ABHD6: variants seen among roughly 807,000 people sequenced by gnomAD.
ABHD6 encodes the protein monoacylglycerol lipase ABHD6.
ABHD6 carries 33 observed loss-of-function variants against 38.8 expected under a neutral mutation model. That is an observed-to-expected ratio of 0.85 (90% CI 0.64 to 1.14). The LOEUF is 1.14. ABHD6 is among the 50% of genes most tolerant of loss of function. The pLI, the probability that ABHD6 is intolerant of heterozygous loss-of-function variation, is 0.00. For synonymous variants in ABHD6, 147 were observed against 161.6 expected, an observed-to-expected ratio of 0.91 and a Z score of 0.69; for missense variants, 380 against 422.6, an observed-to-expected ratio of 0.90 and a Z score of 0.88.
At chr3:58,240,880 A>G (rs1212694994) in intron 1 of ABHD6, among the ~76,000 whole-genome samples, 1 of 151,886 alleles carries the variant, frequency 6.6e-6, no homozygotes, top group East Asian at 1.9e-4. Context: ...ACAGGCATGC[A>G]CAAGCACGCC....
chr3:58,290,253 C>G (rs1225083224), intron 9 of ABHD6, among the ~76,000 whole-genome samples: 1 of 129,722 alleles, frequency 7.7e-6, no homozygotes. Flanking sequence ...TGGGCAGAGG[C>G]GCCCCTCACC....
chr3:58,278,609 G>T (rs1290575105), intron 7 of ABHD6, among the ~76,000 whole-genome samples: 3 of 152,136 alleles, frequency 2.0e-5, no homozygotes, highest in African/African-American at 4.8e-5. Flanking sequence ...TTTCAGTTCT[G>T]TTCTGATCTT....
Position 58,256,492 on chromosome 3 carries a change from C to G in ABHD6, c.-25-70C>G, listed in dbSNP as rs1295382948. The G allele has an allele frequency of 1.1e-6, 1 of 889,426 alleles. No individual in the cohort carries two copies. The highest frequency in any genetic ancestry group is 1.7e-5 in the African/African-American group (1 of 58,572). The allele number at this position is 889,426 out of a possible 1,614,324, so 55.1% of individuals were successfully genotyped here. On this transcript the variant is annotated intron_variant, in intron 2 of 9. Transcript: ENST00000478253. This position sits in a 1 kb window ranked among gnomAD's most constrained non-coding sequence, Gnocchi z 4.3. ...CTCTGGGAACTTCACTTTTCTTGTC[C>G]CCTTTACTTCTTCGCCTTTTTTCCT...
chr3:58,281,214 G>A (rs1314448967), intron 7 of ABHD6, among the ~76,000 whole-genome samples: 1 of 152,214 alleles, frequency 6.6e-6, no homozygotes, highest in South Asian at 2.1e-4. Flanking sequence ...GTGGAGTCTA[G>A]AGGCTGCTGG....
intron 7 of ABHD6, among the ~76,000 whole-genome samples, chr3:58,278,620 AGTTATTTC>A (rs1385383311): frequency 2.0e-5 from 3 of 152,054 alleles, no homozygotes; most frequent in African/African-American, 4.8e-5. Context: ...TTCTGATCTT[AGTTATTTC>A]TTGCCTTCTG....
At chr3:58,246,052 G>C (rs2097426160) in intron 1 of ABHD6, among the ~76,000 whole-genome samples, 1 of 152,174 alleles carries the variant, frequency 6.6e-6, no homozygotes, top group Non-Finnish European at 1.5e-5. Context: ...TCACCTTTGA[G>C]GGGTGACCTG....
At chr3:58,270,502 A>G (rs185845943) in intron 5 of ABHD6, among the ~76,000 whole-genome samples, 129 of 135,218 alleles carry the variant, frequency 9.5e-4, no homozygotes, top group Non-Finnish European at 1.6e-3. Flanking sequence ...CCTCATCTCT[A>G]CAAAAAAAAA....
chr3:58,250,671 A>G (rs1405681179), intron 2 of ABHD6, among the ~76,000 whole-genome samples: 2 of 152,068 alleles, frequency 1.3e-5, no homozygotes, highest in Non-Finnish European at 2.9e-5. Context: ...TTTACCTTAC[A>G]TTCCTAGTAA....
At chr3:58,264,387 G>GCGCGCACACACACA (rs1394136993) in intron 3 of ABHD6, among the ~76,000 whole-genome samples, 1 of 132,214 alleles carries the variant, frequency 7.6e-6, no homozygotes, top group African/African-American at 2.9e-5. Flanking sequence ...TTATATAAAC[G>GCGCGCACACACACA]CACACACACA....
At chr3:58,289,581 G>A (rs552979975) in intron 9 of ABHD6, among the ~76,000 whole-genome samples, 13 of 152,158 alleles carry the variant, frequency 8.5e-5, no homozygotes, top group African/African-American at 3.1e-4. Context: ...GGATCCCAAG[G>A]CAGAAGAATC....
Position 58,256,165 on chromosome 3 carries a change from A to G in ABHD6, c.-25-397A>G, listed in dbSNP as rs1404236129. ...TTAAAAGTGAGTAGCAGATACCATT[A>G]TACTTCACCCCTTACAACTTCAGCA... is the stretch of plus-strand genomic sequence containing the variant. On this transcript the variant is annotated intron_variant, in intron 2 of 9. Coordinates refer to ENST00000478253, the MANE Select transcript of ABHD6 (RefSeq NM_001320126.2). The surrounding 1 kb of genome is among the most constrained non-coding windows in gnomAD (Gnocchi z 4.3). Among the ~76,000 whole-genome samples the G allele has an allele frequency of 2.6e-5, 4 of 151,910 alleles. No homozygotes were observed. Among genetic ancestry groups the G allele is most frequent in the African/African-American group, 9.7e-5 (4 of 41,330 alleles).
intron 3 of ABHD6, among the ~76,000 whole-genome samples, chr3:58,260,459 T>C (rs1012050845): frequency 1.3e-5 from 2 of 152,234 alleles, no homozygotes; most frequent in Admixed American, 1.3e-4. Context: ...ATGATGCCAT[T>C]GCAGAGAGCT....
intron 1 of ABHD6, among the ~76,000 whole-genome samples, chr3:58,240,396 TA>T: frequency 6.6e-6 from 1 of 152,084 alleles, no homozygotes; most frequent in East Asian, 1.9e-4. Flanking sequence ...TCATACTTTT[TA>T]TGAAACTCCT....
chr3:58,293,986 A>C lies in ABHD6; in HGVS notation c.*221A>C. The C allele has an allele frequency of 2.3e-6, 1 of 437,838 alleles. No homozygotes were observed. Among genetic ancestry groups the C allele is most frequent in the Non-Finnish European group, 4.0e-6 (1 of 250,918 alleles). The allele number at this position is 437,838 out of a possible 1,614,324, so 27.1% of individuals were successfully genotyped here. A position where few individuals can be genotyped will look rare whatever the true frequency, so the allele number is the denominator to read the frequency against. ...CACAAAATAGAAACTCATATGGAACAAAATAAGAAACCCCAGCCATGAAAT... is the reference window on the plus strand; with the variant it reads ...CACAAAATAGAAACTCATATGGAACCAAATAAGAAACCCCAGCCATGAAAT... On this transcript the variant is annotated 3_prime_UTR_variant, in exon 10 of 10. Coordinates refer to ENST00000478253, the MANE Select transcript of ABHD6 (RefSeq NM_001320126.2). The surrounding 1 kb of genome is among the most constrained non-coding windows in gnomAD (Gnocchi z 4.4).
At position 58,273,131 on chromosome 3, in the gene ABHD6, A is replaced by G. The variant is rs1027316655; in HGVS notation, c.524-1527A>G. Among the ~76,000 whole-genome samples the G allele has an allele frequency of 6.6e-6, 1 of 152,224 alleles. No homozygotes were observed. The highest frequency in any genetic ancestry group is 1.5e-5 in the Non-Finnish European group (1 of 68,042). Reference sequence around the variant, plus strand: ...GGAAATAGATAATGTCATCTGCTTCATGGCATCGTGAAAGCCATACATCAT... The same window carrying G: ...GGAAATAGATAATGTCATCTGCTTCGTGGCATCGTGAAAGCCATACATCAT... On this transcript the variant is annotated intron_variant, in intron 6 of 9. Coordinates refer to ENST00000478253, the MANE Select transcript of ABHD6 (RefSeq NM_001320126.2). The surrounding 1 kb of genome is among the most constrained non-coding windows in gnomAD (Gnocchi z 4.8).
In ABHD6 at chr3:58,259,552, G is replaced by A. The variant is rs866954416; in HGVS notation, c.119+2847G>A. On this transcript the variant is annotated intron_variant, in intron 3 of 9. Transcript: ENST00000478253. This position sits in a 1 kb window ranked among gnomAD's most constrained non-coding sequence, Gnocchi z 4.7. Reference sequence around the variant, plus strand: ...AAAAATTAGCCAGGCATGGTGGTACGTGCCTGTAATTCCAGCTACCTGGGA... The same window carrying A: ...AAAAATTAGCCAGGCATGGTGGTACATGCCTGTAATTCCAGCTACCTGGGA... Among the ~76,000 whole-genome samples the A allele has an allele frequency of 2.6e-5, 4 of 152,212 alleles. No individual in the cohort carries two copies. The highest frequency in any genetic ancestry group is 9.6e-5 in the African/African-American group (4 of 41,536).
Position 58,256,410 on chromosome 3 carries a change from A to T in ABHD6, c.-25-152A>T, listed in dbSNP as rs575931151. ...CTCATTACTTTTAGTTGTCATGTCT[A>T]TTTGGTTTTTTGTAAAGCACTTGCC... On this transcript the variant is annotated intron_variant, in intron 2 of 9. Coordinates refer to ENST00000478253, the MANE Select transcript of ABHD6 (RefSeq NM_001320126.2). The surrounding 1 kb of genome is among the most constrained non-coding windows in gnomAD (Gnocchi z 4.3). Among the ~76,000 whole-genome samples, 42 of 151,682 alleles carry T rather than the reference A, an allele frequency of 2.8e-4. No homozygotes were observed. Among genetic ancestry groups the T allele is most frequent in the African/African-American group, 9.7e-4 (40 of 41,342 alleles).
At chr3:58,261,535 C>T (rs1449256971) in intron 3 of ABHD6, among the ~76,000 whole-genome samples, 1 of 152,036 alleles carries the variant, frequency 6.6e-6, no homozygotes, top group Admixed American at 6.6e-5. Context: ...CACCTTGCCA[C>T]CTAATTTTTG....
intron 9 of ABHD6, among the ~76,000 whole-genome samples, chr3:58,289,870 C>CT (rs1437922690): frequency 1.8e-5 from 2 of 112,734 alleles, no homozygotes; most frequent in African/African-American, 8.7e-5. Context: ...GGGGGCTGAC[C>CT]CCCCCACCTC....
Sources: allele counts gnomAD v4.1 joint callset (sites outside exome capture counted in the v4.1 genomes callset), GRCh38; gene constraint gnomAD v4.1.1; non-coding constraint Gnocchi (gnomAD v3.1); transcripts MANE v1.5; gene names NCBI Gene and HGNC (gene_info 2026-07-23, HGNC 2026-07-21).